Variants in MYT1L observed in about 807,000 individuals in gnomAD.
MYT1L encodes myelin transcription factor 1 like.
MYT1L carries 12 observed loss-of-function variants against 126.7 expected under a neutral mutation model. That is an observed-to-expected ratio of 0.09 (90% CI 0.06 to 0.15). MYT1L has a LOEUF of 0.15. MYT1L is among the 10% of genes least tolerant of loss of function. The probability of loss-of-function intolerance (pLI) is 1.00; values close to 1 mark genes in which losing one functional copy is unlikely to be tolerated. For missense variants in MYT1L, 979 were observed against 1,585.2 expected (o/e 0.62, Z 6.49); for synonymous variants, 541 against 604.2 (o/e 0.90, Z 1.53).
At chr2:2,205,701 T>C (rs1363518671) in intron 2 of MYT1L, among the ~76,000 whole-genome samples, 1 of 152,148 alleles carries the variant, frequency 6.6e-6, no homozygotes, top group Non-Finnish European at 1.5e-5. Flanking sequence ...GTAACCACTC[T>C]CCTCAATGCT....
intron 14 of MYT1L, among the ~76,000 whole-genome samples, chr2:1,897,742 C>CATA (rs1409623647): frequency 6.6e-6 from 1 of 152,204 alleles, no homozygotes; most frequent in Non-Finnish European, 1.5e-5. Flanking sequence ...GGATTACAGG[C>CATA]ATAAGCCACC....
intron 8 of MYT1L, among the ~76,000 whole-genome samples, chr2:1,973,274 T>C (rs1354460778): frequency 6.6e-6 from 1 of 152,254 alleles, no homozygotes; most frequent in East Asian, 1.9e-4. Flanking sequence ...TGTAATCAGT[T>C]AATAGTAATC....
intron 4 of MYT1L, among the ~76,000 whole-genome samples, chr2:2,004,133 T>C (rs1558696057): frequency 6.7e-6 from 1 of 149,904 alleles, no homozygotes; most frequent in African/African-American, 2.5e-5. Flanking sequence ...CTGTGTGCCT[T>C]CTTTCCTGCA....
At chr2:2,208,117 C>T (rs2093380262) in intron 2 of MYT1L, among the ~76,000 whole-genome samples, 1 of 151,610 alleles carries the variant, frequency 6.6e-6, no homozygotes, top group African/African-American at 2.4e-5. Context: ...GAAGTATCAA[C>T]AATCCAAGCA....
At chr2:1,973,633 T>C (rs1210663416) in intron 8 of MYT1L, among the ~76,000 whole-genome samples, 1 of 152,230 alleles carries the variant, frequency 6.6e-6, no homozygotes, top group Non-Finnish European at 1.5e-5. Flanking sequence ...CTTTAGCAGG[T>C]ACTTGAGCCC....
At chr2:1,911,167 C>A (rs998759169) in intron 12 of MYT1L, among the ~76,000 whole-genome samples, 7 of 152,178 alleles carry the variant, frequency 4.6e-5, no homozygotes, top group Non-Finnish European at 1.0e-4. Flanking sequence ...TCATTTCCTG[C>A]TTCTGCAGAT....
chr2:1,981,492 GTGAATGAA>G (rs1379313614), intron 5 of MYT1L, among the ~76,000 whole-genome samples: 1 of 152,180 alleles, frequency 6.6e-6, no homozygotes, highest in Non-Finnish European at 1.5e-5. Flanking sequence ...CAGTTATTGA[GTGAATGAA>G]TGAATGAATG....
chr2:2,215,811 A>G (rs1157797249), intron 2 of MYT1L, among the ~76,000 whole-genome samples: 1 of 152,112 alleles, frequency 6.6e-6, no homozygotes, highest in Non-Finnish European at 1.5e-5. Flanking sequence ...GTTGAATTGC[A>G]TCCCCCAGTG....
At chr2:1,881,152 G>A (rs929190441) in intron 18 of MYT1L, among the ~76,000 whole-genome samples, 1 of 152,156 alleles carries the variant, frequency 6.6e-6, no homozygotes, top group African/African-American at 2.4e-5. Flanking sequence ...AGAGGAGGAG[G>A]AGGCAGGAAG....
chr2:2,115,324 T>C (rs889533431), intron 3 of MYT1L, among the ~76,000 whole-genome samples: 1 of 152,182 alleles, frequency 6.6e-6, no homozygotes, highest in Non-Finnish European at 1.5e-5. Context: ...CAGCACCTAA[T>C]ACAGAGAGCA....
intron 1 of MYT1L, chr2:2,304,084 A>T (rs2149547130): frequency 6.6e-6 from 1 of 152,350 alleles, no homozygotes; most frequent in African/African-American, 2.4e-5. Context: ...ACACTGAAAA[A>T]TAAAGTGAGA....
chr2:2,027,103 A>G (rs2065708089), intron 4 of MYT1L, among the ~76,000 whole-genome samples: 1 of 152,180 alleles, frequency 6.6e-6, no homozygotes, highest in African/African-American at 2.4e-5. Flanking sequence ...CAGCTGCCTC[A>G]GTGTGAACCC....
At chr2:1,885,078 C>T (rs922816324) in intron 18 of MYT1L, 16 of 152,232 alleles carry the variant, frequency 1.1e-4, no homozygotes, top group Admixed American at 7.2e-4. Flanking sequence ...AGGCTGTTTT[C>T]CTGTCTACAG....
intron 3 of MYT1L, among the ~76,000 whole-genome samples, chr2:2,155,247 T>C (rs372253755): frequency 1.3e-5 from 2 of 152,236 alleles, no homozygotes; most frequent in African/African-American, 2.4e-5. Context: ...TAAAAACTTC[T>C]GTGTTGTGAT....
chr2:1,951,092 G>A (rs944046808), intron 8 of MYT1L, among the ~76,000 whole-genome samples: 1 of 152,054 alleles, frequency 6.6e-6, no homozygotes, highest in Non-Finnish European at 1.5e-5. Flanking sequence ...GGGAACAGAG[G>A]CTTACAGGTG....
intron 3 of MYT1L, among the ~76,000 whole-genome samples, chr2:2,163,286 G>A (rs1251104174): frequency 1.3e-5 from 2 of 152,092 alleles, no homozygotes; most frequent in East Asian, 3.9e-4. Context: ...TGGCTAAGAT[G>A]CTATCTCTTA....
chr2:1,837,203 A>G (rs2148354010), intron 21 of MYT1L, among the ~76,000 whole-genome samples: 1 of 152,294 alleles, frequency 6.6e-6, no homozygotes, highest in South Asian at 2.1e-4. Flanking sequence ...TTCATCTGGC[A>G]CCTGGTATTT....
At chr2:2,092,364 G>T (rs780771082) in intron 3 of MYT1L, among the ~76,000 whole-genome samples, 5 of 152,174 alleles carry the variant, frequency 3.3e-5, no homozygotes, top group Admixed American at 6.5e-5. Context: ...TATCAATCAA[G>T]TTTGCCATCT....
intron 21 of MYT1L, among the ~76,000 whole-genome samples, chr2:1,838,192 G>C (rs913115065): frequency 1.3e-5 from 2 of 152,088 alleles, no homozygotes; most frequent in East Asian, 1.9e-4. Context: ...GGGATTACAG[G>C]TGTGAGCCAC....
Sources: gnomAD v4.1 joint callset for allele counts (sites outside exome capture counted in the v4.1 genomes callset) on GRCh38, gnomAD v4.1.1 for gene constraint, MANE v1.5 for transcripts, NCBI Gene and HGNC (gene_info 2026-07-23, HGNC 2026-07-21) for gene names.